Variants in PRKG1 observed in about 807,000 individuals in gnomAD.
PRKG1 encodes cGMP-dependent protein kinase 1.
Under a neutral mutation model 88.1 loss-of-function variants are expected in PRKG1, and 35 were observed. The ratio of observed to expected loss-of-function variants is 0.40; its 90% CI spans 0.30 to 0.53. The LOEUF (loss-of-function observed/expected upper bound fraction) is 0.53. Among genes scored for constraint, PRKG1 ranks in the 20% least tolerant of loss-of-function variants. The probability of loss-of-function intolerance (pLI) is 0.59; values close to 1 mark genes in which losing one functional copy is unlikely to be tolerated. For synonymous variants in PRKG1, 303 were observed against 292.5 expected (o/e 1.04, Z -0.37); for missense variants, 540 against 839.8 (o/e 0.64, Z 4.41).
intron 3 of PRKG1, among the ~76,000 whole-genome samples, chr10:51,481,641 T>C (rs2132848776): frequency 6.6e-6 from 1 of 152,330 alleles, no homozygotes; most frequent in East Asian, 1.9e-4. Context: ...AAATCCCAAG[T>C]AACTCATTAT....
chr10:52,243,987 C>T (rs1163755365), intron 9 of PRKG1, among the ~76,000 whole-genome samples: 6 of 152,182 alleles, frequency 3.9e-5, no homozygotes, highest in South Asian at 4.1e-4. Context: ...AGCAAACTAA[C>T]GTTATCTCAA....
At chr10:52,241,977 G>C (rs1453454411) in intron 9 of PRKG1, 1 of 152,170 alleles carries the variant, frequency 6.6e-6, no homozygotes, top group Non-Finnish European at 1.5e-5. Context: ...TTTGTCTTTA[G>C]CTATCCCTTC....
At chr10:51,698,309 T>C in intron 3 of PRKG1, 1 of 1,614,162 alleles carries the variant, frequency 6.2e-7, no homozygotes, top group Admixed American at 1.7e-5. Context: ...CGCTCGAGAA[T>C]CTCTACCACC....
Position 51,995,722 on chromosome 10 carries a change from G to A in PRKG1, c.763-58762G>A, listed in dbSNP as rs953422148. On this transcript the variant is annotated intron_variant, in intron 5 of 17. Transcript: ENST00000373980. ...ATACTCTACCAGTAAATGCCTGTGG[G>A]AAAGTTCCATAATATTTTAGCTCAG... is the stretch of plus-strand genomic sequence containing the variant. 2.6e-5 allele frequency among the ~76,000 whole-genome samples: 4 copies of A among 152,130 alleles called. No homozygotes were observed. In the East Asian group the frequency reaches 5.8e-4, roughly 22 times the overall value.
At chr10:52,173,117 A>G (rs1459341662) in intron 9 of PRKG1, among the ~76,000 whole-genome samples, 1 of 152,256 alleles carries the variant, frequency 6.6e-6, no homozygotes, top group African/African-American at 2.4e-5. Flanking sequence ...AACAGAAAAT[A>G]GGCTCTTAAG....
intron 2 of PRKG1, among the ~76,000 whole-genome samples, chr10:51,212,076 C>T (rs1195463906): frequency 6.6e-6 from 1 of 152,096 alleles, no homozygotes; most frequent in Non-Finnish European, 1.5e-5. Flanking sequence ...TACTACAAGG[C>T]TACAGTAACC....
chr10:51,270,706 A>G (rs374060818), intron 2 of PRKG1, among the ~76,000 whole-genome samples: 2 of 152,144 alleles, frequency 1.3e-5, no homozygotes, highest in African/African-American at 4.8e-5. Context: ...AACCCTTTCC[A>G]TGACTTGTGA....
chr10:51,506,545 G>GA (rs1243484861), intron 3 of PRKG1, among the ~76,000 whole-genome samples: 2 of 152,154 alleles, frequency 1.3e-5, no homozygotes, highest in Non-Finnish European at 2.9e-5. Context: ...AAAGACACAT[G>GA]AAAAAATGCT....
chr10:51,374,287 C>G (rs1430667649), intron 2 of PRKG1, among the ~76,000 whole-genome samples: 5 of 149,368 alleles, frequency 3.3e-5, no homozygotes, highest in Non-Finnish European at 1.5e-5. Context: ...TGTTCCCCTC[C>G]CTGTGCCCAT....
intron 2 of PRKG1, among the ~76,000 whole-genome samples, chr10:51,232,557 C>CAATT (rs3998226): frequency 0.58 from 87,527 of 151,462 alleles, 26,446 homozygotes; most frequent in African/African-American, 0.78. Flanking sequence ...TATTCTATAC[C>CAATT]GTCATTCAAA....
intron 2 of PRKG1, among the ~76,000 whole-genome samples, chr10:51,412,286 G>A (rs541695471): frequency 4.0e-5 from 6 of 150,122 alleles, no homozygotes; most frequent in South Asian, 2.1e-4. Flanking sequence ...AAAAAGGAAG[G>A]AAAAAACACA....
intron 3 of PRKG1, among the ~76,000 whole-genome samples, chr10:51,669,207 T>G (rs1008290373): frequency 6.6e-6 from 1 of 152,200 alleles, no homozygotes; most frequent in African/African-American, 2.4e-5. Context: ...TTTATTTTCC[T>G]ATAGTTCTGA....
At chr10:52,181,419 C>CTT (rs761799361) in intron 9 of PRKG1, among the ~76,000 whole-genome samples, 122 of 55,010 alleles carry the variant, frequency 2.2e-3, no homozygotes, top group African/African-American at 4.7e-3. Context: ...CACAGCTCTT[C>CTT]TTTTTTTTTT....
At chr10:51,493,288 T>C (rs192845681) in intron 3 of PRKG1, among the ~76,000 whole-genome samples, 122 of 152,322 alleles carry the variant, frequency 8.0e-4, no homozygotes, top group East Asian at 2.1e-3. Context: ...TTGTCCAACA[T>C]GGATTTTGAC....
chr10:51,187,816 A>G (rs954132477), intron 2 of PRKG1, among the ~76,000 whole-genome samples: 2 of 151,992 alleles, frequency 1.3e-5, no homozygotes, highest in Non-Finnish European at 2.9e-5. Flanking sequence ...CTTTTATGAA[A>G]AGATTATTTT....
intron 4 of PRKG1, among the ~76,000 whole-genome samples, chr10:51,852,399 A>G (rs1190835128): frequency 6.6e-6 from 1 of 151,728 alleles, no homozygotes; most frequent in African/African-American, 2.4e-5. Context: ...GAGAGAGGAA[A>G]CAGAGGTAGA....
intron 1 of PRKG1, among the ~76,000 whole-genome samples, chr10:51,000,383 G>A (rs865821298): frequency 2.6e-5 from 4 of 152,162 alleles, no homozygotes; most frequent in East Asian, 1.9e-4. Context: ...TTGCACATGG[G>A]AATGTCATCT....
intron 9 of PRKG1, among the ~76,000 whole-genome samples, chr10:52,201,698 T>C (rs1266340832): frequency 2.0e-5 from 3 of 152,206 alleles, no homozygotes; most frequent in Non-Finnish European, 2.9e-5. Context: ...GTAATATTTT[T>C]TCATTTCTTT....
chr10:52,194,377 A>T (rs1425786966), intron 9 of PRKG1, among the ~76,000 whole-genome samples: 1 of 152,158 alleles, frequency 6.6e-6, no homozygotes, highest in Non-Finnish European at 1.5e-5. Context: ...CACAGTTTCC[A>T]TGGAAACATG....
Sources: gnomAD v4.1 joint callset for allele counts (sites outside exome capture counted in the v4.1 genomes callset) on GRCh38, gnomAD v4.1.1 for gene constraint, MANE v1.5 for transcripts, NCBI Gene and HGNC (gene_info 2026-07-23, HGNC 2026-07-21) for gene names.